VAT1L: variants seen among roughly 807,000 people sequenced by gnomAD.
VAT1L encodes vesicle amine transport 1 like.
Under a neutral mutation model 44.1 loss-of-function variants are expected in VAT1L, and 34 were observed. The ratio of observed to expected loss-of-function variants is 0.77; its 90% CI spans 0.59 to 1.03. The LOEUF (loss-of-function observed/expected upper bound fraction) is 1.03, where lower values mean the gene tolerates loss of function less well. Ranked by LOEUF, VAT1L falls within the 50% of genes least tolerant of loss-of-function variation. The pLI is 0.00. For missense variants in VAT1L, 615 were observed against 538.8 expected (o/e 1.14, Z -1.40); for synonymous variants, 253 against 202.2 (o/e 1.25, Z -2.13).
intron 7 of VAT1L, among the ~76,000 whole-genome samples, chr16:77,962,386 C>T (rs1002869484): frequency 2.6e-5 from 4 of 152,004 alleles, no homozygotes; most frequent in Non-Finnish European, 5.9e-5. Flanking sequence ...TTGGCTTCAA[C>T]CAAAGGGAGC....
At chr16:77,934,085 AC>A (rs1681931820) in intron 7 of VAT1L, among the ~76,000 whole-genome samples, 1 of 152,212 alleles carries the variant, frequency 6.6e-6, no homozygotes, top group Non-Finnish European at 1.5e-5. Flanking sequence ...TTAGGGAGCT[AC>A]TGAAGTCATT....
chr16:77,943,361 G>C (rs143609267), intron 7 of VAT1L, among the ~76,000 whole-genome samples: 1 of 150,518 alleles, frequency 6.6e-6, no homozygotes, highest in East Asian at 2.0e-4. Context: ...ACCGCACTTG[G>C]CCTATTTTCT....
At chr16:77,940,060 T>C (rs2142510824) in intron 7 of VAT1L, among the ~76,000 whole-genome samples, 1 of 152,244 alleles carries the variant, frequency 6.6e-6, no homozygotes, top group Admixed American at 6.5e-5. Context: ...AGAAAGAAAA[T>C]GGACATTCCA....
intron 7 of VAT1L, among the ~76,000 whole-genome samples, chr16:77,899,841 T>C (rs1306238918): frequency 6.6e-6 from 1 of 152,246 alleles, no homozygotes; most frequent in East Asian, 1.9e-4. Context: ...ACAGATTCCC[T>C]TGACTTTAAG....
chr16:77,922,820 C>T (rs2017626481), intron 7 of VAT1L, among the ~76,000 whole-genome samples: 1 of 152,192 alleles, frequency 6.6e-6, no homozygotes, highest in African/African-American at 2.4e-5. Flanking sequence ...CCTAAGTTTG[C>T]CTGACTTTCC....
intron 1 of VAT1L, among the ~76,000 whole-genome samples, chr16:77,794,859 CA>C (rs759333073): frequency 4.7e-4 from 72 of 152,122 alleles, no homozygotes; most frequent in Non-Finnish European, 8.8e-4. Context: ...TAGCTCGGGT[CA>C]TTTTTATTTA....
chr16:77,977,627 G>T lies in VAT1L; in HGVS notation c.1192G>T (p.Ala398Ser). ...MANDSTETSE[A>S]GEEEEDHEGD... The stretch of plus-strand genomic sequence containing the variant: ...CAATGACAGCACAGAGACCAGTGAA[G>T]CAGGGGAAGAGGAGGAGGACCACGA... The change falls in exon 9 of 9, where the codon GCA (alanine) becomes TCA (serine). Residue 398 changes from alanine to serine, a missense_variant. Coordinates refer to ENST00000302536, the MANE Select transcript of VAT1L (RefSeq NM_020927.3). The T allele has an allele frequency of 1.2e-6, 2 of 1,614,130 alleles. No individual in the cohort carries two copies. The highest frequency in any genetic ancestry group is 1.7e-6 in the Non-Finnish European group (2 of 1,180,000).
intron 1 of VAT1L, among the ~76,000 whole-genome samples, chr16:77,815,541 G>A (rs2016335223): frequency 6.6e-6 from 1 of 152,220 alleles, no homozygotes; most frequent in African/African-American, 2.4e-5. Flanking sequence ...AGACTTCAAG[G>A]AAGTCGTCTT....
At chr16:77,863,955 T>A (rs1348302450) in intron 4 of VAT1L, among the ~76,000 whole-genome samples, 2 of 152,106 alleles carry the variant, frequency 1.3e-5, no homozygotes, top group Non-Finnish European at 2.9e-5. Flanking sequence ...GCAGAGGGGA[T>A]GGATGGGTAG....
chr16:77,901,819 C>T lies in VAT1L; in HGVS notation c.1077+17017C>T, dbSNP rs147232317. Among the ~76,000 whole-genome samples the T allele has an allele frequency of 5.6e-3, 851 of 152,280 alleles. 13 individuals are homozygous for T. Among genetic ancestry groups the T allele is most frequent in the African/African-American group, 0.02 (817 of 41,568 alleles). ...CTGAAATAATCTAACCAATGTCCAG[C>T]GCAACCAAAGTGGGCAGAGCAAGAA... On this transcript the variant is annotated intron_variant, in intron 7 of 8. Transcript: ENST00000302536.
chr16:77,953,540 G>T (rs566343963), intron 7 of VAT1L, among the ~76,000 whole-genome samples: 4 of 151,832 alleles, frequency 2.6e-5, no homozygotes, highest in Non-Finnish European at 5.9e-5. Flanking sequence ...CTTTTTGTTT[G>T]GTTTTATTTT....
At chr16:77,869,664 G>A (rs552150343) in intron 4 of VAT1L, among the ~76,000 whole-genome samples, 9 of 152,052 alleles carry the variant, frequency 5.9e-5, no homozygotes, top group Non-Finnish European at 1.3e-4. Context: ...ACAAGACCCA[G>A]TCTCAATGAT....
intron 7 of VAT1L, among the ~76,000 whole-genome samples, chr16:77,917,584 T>G (rs1026400206): frequency 2.0e-5 from 3 of 152,210 alleles, no homozygotes; most frequent in Admixed American, 6.5e-5. Flanking sequence ...TTGATTTGTT[T>G]GTAGCTGCCA....
chr16:77,920,114 G>A (rs1012312167), intron 7 of VAT1L, among the ~76,000 whole-genome samples: 4 of 152,094 alleles, frequency 2.6e-5, no homozygotes, highest in East Asian at 1.9e-4. Flanking sequence ...AACCGTATCC[G>A]GATACAAACA....
intron 3 of VAT1L, among the ~76,000 whole-genome samples, chr16:77,854,189 C>T (rs1320911904): frequency 1.3e-5 from 2 of 152,174 alleles, no homozygotes; most frequent in Non-Finnish European, 2.9e-5. Flanking sequence ...GCCTGTCCCA[C>T]TCTTTTCCAT....
intron 7 of VAT1L, among the ~76,000 whole-genome samples, chr16:77,970,462 A>G (rs932265906): frequency 6.6e-6 from 1 of 152,216 alleles, no homozygotes; most frequent in Non-Finnish European, 1.5e-5. Context: ...TTAAATATGC[A>G]TGTCAGTTCT....
chr16:77,862,630 A>G (rs1401997242), intron 3 of VAT1L, 118 bp from the exon 4 acceptor site: 10 of 998,196 alleles, frequency 1.0e-5, no homozygotes, highest in East Asian at 2.9e-5. Context: ...CTCTAAAAAA[A>G]AAAAAAAAAA....
intron 4 of VAT1L, among the ~76,000 whole-genome samples, chr16:77,865,885 A>G (rs2016968928): frequency 6.6e-6 from 1 of 152,094 alleles, no homozygotes; most frequent in African/African-American, 2.4e-5. Context: ...TGCCTGCTCC[A>G]TTTCCTCAGC....
chr16:77,940,491 G>A (rs766819805), intron 7 of VAT1L, among the ~76,000 whole-genome samples: 22 of 151,734 alleles, frequency 1.4e-4, no homozygotes, highest in South Asian at 4.2e-4. Context: ...TTACAGGCAC[G>A]TGCTACCATG....
Sources: allele counts gnomAD v4.1 joint callset (sites outside exome capture counted in the v4.1 genomes callset), GRCh38; gene constraint gnomAD v4.1.1; transcripts MANE v1.5; gene names NCBI Gene and HGNC (gene_info 2026-07-23, HGNC 2026-07-21).